Variants in KLF12 observed in about 807,000 individuals in gnomAD.
The protein encoded by KLF12 is Krueppel-like factor 12.
KLF12 carries 9 observed loss-of-function variants against 37.8 expected under a neutral mutation model. That is an observed-to-expected ratio of 0.24 (90% CI 0.14 to 0.42). The LOEUF (loss-of-function observed/expected upper bound fraction) is 0.42. Among genes scored for constraint, KLF12 ranks in the 10% least tolerant of loss-of-function variants. KLF12 has a pLI of 1.00. For synonymous variants in KLF12, 208 were observed against 202.1 expected (o/e 1.03, Z -0.25); for missense variants, 411 against 516.0 (o/e 0.80, Z 1.97).
rs77575006 is a variant in KLF12, at chr13:74,065,201, TACAC to T, written c.-32+68534_-32+68537del. Among the ~76,000 whole-genome samples, 423 of 112,042 alleles carry T rather than the reference TACAC, an allele frequency of 3.8e-3. 4 individuals are homozygous for T. The highest frequency in any genetic ancestry group is 0.014 in the East Asian group (24 of 1,744). 73.5% of individuals were successfully genotyped at this position (112,042 alleles called of 152,430 possible). On this transcript the variant is annotated intron_variant, in intron 1 of 7. Coordinates refer to ENST00000377669, the MANE Select transcript of KLF12 (RefSeq NM_007249.5). ...TGTATATTACTCTGTATCTGATTCT[TACAC>T]ACACACACACACACACACATGTATA...
At chr13:73,797,192 T>C (rs1882023889) in intron 5 of KLF12, among the ~76,000 whole-genome samples, 1 of 152,232 alleles carries the variant, frequency 6.6e-6, no homozygotes, top group Non-Finnish European at 1.5e-5. Flanking sequence ...GGGATCGTCC[T>C]TCTGCCACTG....
the KLF12 span, among the ~76,000 whole-genome samples, chr13:74,167,562 G>T: frequency 6.6e-6 from 1 of 152,216 alleles, no homozygotes. Context: ...CAAAGATCTG[G>T]TGAGTCTGAG....
chr13:73,889,947 C>T (rs561848099), intron 3 of KLF12, among the ~76,000 whole-genome samples: 1 of 152,018 alleles, frequency 6.6e-6, no homozygotes, highest in Non-Finnish European at 1.5e-5. Context: ...AATTTTGAAG[C>T]CTACTCTTCA....
At chr13:73,717,792 T>C (rs1875929315) in intron 6 of KLF12, among the ~76,000 whole-genome samples, 1 of 152,224 alleles carries the variant, frequency 6.6e-6, no homozygotes, top group South Asian at 2.1e-4. Flanking sequence ...GTGACTGGCC[T>C]GCCTCATGTA....
the KLF12 span, among the ~76,000 whole-genome samples, chr13:74,171,244 G>T: frequency 6.6e-6 from 1 of 152,158 alleles, no homozygotes; most frequent in Non-Finnish European, 1.5e-5. Flanking sequence ...CTCAAAGAGT[G>T]AAACTATCAC....
intron 1 of KLF12, among the ~76,000 whole-genome samples, chr13:74,056,771 G>A (rs1873267969): frequency 6.6e-6 from 1 of 152,192 alleles, no homozygotes; most frequent in South Asian, 2.1e-4. Context: ...AATTCTATGT[G>A]TAAAAGAGGA....
At chr13:73,908,219 G>T (rs1443685196) in intron 3 of KLF12, among the ~76,000 whole-genome samples, 1 of 151,748 alleles carries the variant, frequency 6.6e-6, no homozygotes, top group Non-Finnish European at 1.5e-5. Flanking sequence ...TGGCTAACAC[G>T]GTGAAACCCT....
chr13:74,144,994 C>T, the KLF12 span, among the ~76,000 whole-genome samples: 1 of 152,032 alleles, frequency 6.6e-6, no homozygotes, highest in Admixed American at 6.6e-5. Flanking sequence ...AAGTGTACAT[C>T]GTATTTATTA....
At chr13:74,271,262 G>T in the KLF12 span, among the ~76,000 whole-genome samples, 10 of 152,158 alleles carry the variant, frequency 6.6e-5, no homozygotes, top group Non-Finnish European at 1.3e-4. Flanking sequence ...AAAGGTTTGG[G>T]ACTGCTAAAT....
chr13:73,830,395 A>T (rs1286620664), intron 4 of KLF12, among the ~76,000 whole-genome samples: 1 of 152,236 alleles, frequency 6.6e-6, no homozygotes, highest in Non-Finnish European at 1.5e-5. Flanking sequence ...GGCTCTGAAA[A>T]GACACTGAAA....
chr13:74,257,450 A>G, the KLF12 span: 8 of 152,184 alleles, frequency 5.3e-5, no homozygotes, highest in Admixed American at 2.6e-4. Flanking sequence ...CAAACACGAC[A>G]CTGAAATTCA....
intron 3 of KLF12, among the ~76,000 whole-genome samples, chr13:73,890,502 T>C (rs2325581): frequency 0.22 from 33,121 of 152,036 alleles, 4,448 homozygotes; most frequent in East Asian, 0.56. Context: ...TTTTAAACGA[T>C]AATGATTGGG....
intron 1 of KLF12, among the ~76,000 whole-genome samples, chr13:74,102,811 TC>T (rs1876435780): frequency 1.3e-5 from 2 of 152,188 alleles, no homozygotes; most frequent in African/African-American, 2.4e-5. Flanking sequence ...GAGGAAATGT[TC>T]CAGATTGGTG....
At chr13:73,911,363 G>C (rs1888562720) in intron 3 of KLF12, among the ~76,000 whole-genome samples, 1 of 152,118 alleles carries the variant, frequency 6.6e-6, no homozygotes, top group Non-Finnish European at 1.5e-5. Flanking sequence ...AGTTTCATTA[G>C]GAAGCTATTT....
rs372650677 is a variant in KLF12, at chr13:73,826,331, A to G, written c.671-13044T>C. Among the ~76,000 whole-genome samples, 3 of 152,130 alleles carry G rather than the reference A, an allele frequency of 2.0e-5. No homozygotes were observed. The South Asian group carries it at 6.2e-4, about 31-fold the overall frequency. Reference sequence around the variant, plus strand: ...GAGAACTCCCTAAATCTTGAAAATCATTTCTTCCCACTGTTTCTCACATCC... The same window carrying G: ...GAGAACTCCCTAAATCTTGAAAATCGTTTCTTCCCACTGTTTCTCACATCC... On this transcript the variant is annotated intron_variant, in intron 4 of 7. Transcript: ENST00000377669.
At chr13:74,160,015 A>C in the KLF12 span, among the ~76,000 whole-genome samples, 1 of 151,976 alleles carries the variant, frequency 6.6e-6, no homozygotes, top group Non-Finnish European at 1.5e-5. Context: ...AAAAAAAAAA[A>C]AAAAAAAAAG....
chr13:74,184,634 C>T, the KLF12 span, among the ~76,000 whole-genome samples: 7 of 152,012 alleles, frequency 4.6e-5, no homozygotes, highest in Non-Finnish European at 8.8e-5. Flanking sequence ...TTGGATAAAC[C>T]GTAATTATGG....
At chr13:74,200,303 A>G in the KLF12 span, among the ~76,000 whole-genome samples, 146 of 152,148 alleles carry the variant, frequency 9.6e-4, 8 homozygotes, top group Admixed American at 3.3e-4. Flanking sequence ...GATGGAAGCA[A>G]TGAGGAGAGA....
intron 2 of KLF12, among the ~76,000 whole-genome samples, chr13:73,963,443 C>G (rs1485692293): frequency 6.6e-6 from 1 of 152,122 alleles, no homozygotes; most frequent in Non-Finnish European, 1.5e-5. Flanking sequence ...ACACAGCACT[C>G]TGCCTCAACT....
Sources: allele counts gnomAD v4.1 joint callset (sites outside exome capture counted in the v4.1 genomes callset), GRCh38; gene constraint gnomAD v4.1.1; transcripts MANE v1.5; gene names NCBI Gene and HGNC (gene_info 2026-07-23, HGNC 2026-07-21).